Variants in AATK observed in about 807,000 individuals in gnomAD.
AATK encodes serine/threonine-protein kinase LMTK1.
AATK carries 91 observed loss-of-function variants against 114.3 expected under a neutral mutation model. The observed-to-expected ratio is 0.80, with a 90% CI of 0.67 to 0.95. The LOEUF (loss-of-function observed/expected upper bound fraction) is 0.95. Ranked by LOEUF, AATK falls within the 40% of genes least tolerant of loss-of-function variation. AATK has a pLI of 0.00. For missense variants in AATK, 2,176 were observed against 1,965.2 expected, an observed-to-expected ratio of 1.11 and a Z score of -2.03; for synonymous variants, 1,075 against 916.5, an observed-to-expected ratio of 1.17 and a Z score of -3.12.
Position 81,120,695 on chromosome 17 carries a change from G to A in AATK, c.3241C>T (p.Pro1081Ser), listed in dbSNP as rs573424497. ...TCPSGLVPEP[P>S]EPQGPAKVRP... ...ACCTTGGCTGGGCCTTGGGGCTCCG[G>A]AGGCTCTGGGACCAGGCCCGAGGGG... Residue 1081 changes from proline (P) to serine (S), a missense_variant, in exon 11 of 14, where the codon CCG (proline) becomes TCG (serine). Pro to Ser is a moderately conservative substitution (Grantham distance 74). Around this residue, in one of 4 missense-constraint regions of AATK, gnomAD observed 1,701 missense variants for 1,394.7 expected, o/e 1.22. Transcript: ENST00000326724. 213 of 1,519,438 alleles carry A rather than the reference G, an allele frequency of 1.4e-4. 2 individuals are homozygous for A. In the South Asian group the frequency reaches 2.6e-3, roughly 19 times the overall value. 94.1% of individuals were successfully genotyped at this position (1,519,438 alleles called of 1,614,324 possible).
At position 81,123,262 on chromosome 17, in the gene AATK, C is replaced by T. The variant is rs1050652293; in HGVS notation, c.1044G>A (p.Ala348=). The change falls in exon 10 of 14, where the codon GCG becomes GCA. Residue 348 remains alanine (A), a synonymous_variant. Coordinates refer to ENST00000326724, the MANE Select transcript of AATK (RefSeq NM_001080395.3). The part of the protein sequence containing the change: ...YPQHSDQQVL[A]YTVREQQLKL... ...TGAGCTGCTGCTCCCGGACCGTGTA[C>T]GCCAGCACCTGCTGGTCCGAGTGCT... is the stretch of plus-strand genomic sequence containing the variant. 1.2e-5 allele frequency: 17 copies of T among 1,407,364 alleles called. No homozygotes were observed. Among genetic ancestry groups the T allele is most frequent in the East Asian group, 3.0e-5 (1 of 33,262 alleles). 87.2% of individuals were successfully genotyped at this position (1,407,364 alleles called of 1,614,324 possible). A position where few individuals can be genotyped will look rare whatever the true frequency, so the allele number is the denominator to read the frequency against.
intron 1 of AATK, 70 bp from the exon 2 acceptor site, chr17:81,134,571 C>T: frequency 1.3e-6 from 2 of 1,545,860 alleles, no homozygotes; most frequent in Non-Finnish European, 1.7e-6. Context: ...CTGCTCTGGG[C>T]TCCACAGCCC....
rs1289653682 is a variant in AATK at position 81,123,182 on chromosome 17, T to C, written c.1112+12A>G. ...GGCCTGGCTGTCCGGGACAGGGCAG[T>C]GGGGCCCTCACCAGCGGTCCGACAG... On this transcript the variant is annotated intron_variant, in intron 10 of 13. Transcript: ENST00000326724. 3 of 1,423,632 alleles carry C rather than the reference T, an allele frequency of 2.1e-6. No individual in the cohort carries two copies. Among genetic ancestry groups the C allele is most frequent in the Non-Finnish European group, 2.7e-6 (3 of 1,092,784 alleles). The allele number at this position is 1,423,632 out of a possible 1,614,324, so 88.2% of individuals were successfully genotyped here.
chr17:81,125,995 G>A (rs770104285), intron 7 of AATK: 29 of 475,120 alleles, frequency 6.1e-5, no homozygotes, highest in Non-Finnish European at 8.7e-5. Context: ...CGTGTCCTTC[G>A]CCACTTCTTC....
chr17:81,127,116 A>C (rs2060846672), intron 6 of AATK, among the ~76,000 whole-genome samples: 1 of 49,752 alleles, frequency 2.0e-5, no homozygotes, highest in Non-Finnish European at 4.1e-5. Context: ...GTTGATGGGC[A>C]GGTCTCAGGG....
chr17:81,149,009 G>A (rs1394947307), intron 1 of AATK, among the ~76,000 whole-genome samples: 18 of 152,188 alleles, frequency 1.2e-4, no homozygotes, highest in Admixed American at 1.2e-3. Context: ...GGCCAGTGAT[G>A]GGGCAGCGAC....
At chr17:81,136,347 G>T (rs928623601) in intron 1 of AATK, 1 of 152,262 alleles carries the variant, frequency 6.6e-6, no homozygotes, top group African/African-American at 2.4e-5. Flanking sequence ...GCCACCTGCT[G>T]GGCAAAGAGC....
chr17:81,120,834 A>T lies in AATK; in HGVS notation c.3102T>A (p.Ser1034=). The change falls in exon 11 of 14, where the codon TCT becomes TCA. Residue 1034 remains serine, a synonymous_variant. Coordinates refer to ENST00000326724, the MANE Select transcript of AATK (RefSeq NM_001080395.3). ...ELGLPSTGQP[S]EQVCLRPGVS... The stretch of plus-strand genomic sequence containing the variant: ...CCCCAGGCCTGAGACAGACCTGCTC[A>T]GACGGCTGCCCAGTGCTCGGCAGGC... 6.3e-7 allele frequency: 1 copy of T among 1,578,748 alleles called. No individual in the cohort carries two copies. Among genetic ancestry groups the T allele is most frequent in the Non-Finnish European group, 8.6e-7 (1 of 1,162,714 alleles).
At chr17:81,156,130 GTATGT>G (rs2061360379) in intron 1 of AATK, among the ~76,000 whole-genome samples, 1 of 22,998 alleles carries the variant, frequency 4.3e-5, no homozygotes, top group Admixed American at 6.7e-4. Flanking sequence ...ATGTTACAAT[GTATGT>G]TACTATGTTA....
At chr17:81,159,521 G>A (rs549802774) in intron 1 of AATK, among the ~76,000 whole-genome samples, 2 of 152,126 alleles carry the variant, frequency 1.3e-5, no homozygotes, top group Non-Finnish European at 2.9e-5. Flanking sequence ...CAGGGGGTTC[G>A]AGGAAATTCC....
intron 1 of AATK, among the ~76,000 whole-genome samples, chr17:81,158,359 C>T (rs1432078009): frequency 6.6e-6 from 1 of 152,236 alleles, no homozygotes; most frequent in African/African-American, 2.4e-5. Flanking sequence ...GGCAGCTTCC[C>T]AGGGAGAGAA....
Position 81,118,034 on chromosome 17 carries a change from G to A in AATK, c.*368C>T, listed in dbSNP as rs1421824656. 13 of 225,378 alleles carry A rather than the reference G, an allele frequency of 5.8e-5. No individual in the cohort carries two copies. The East Asian group carries it at 1.3e-3, about 22-fold the overall frequency. The allele number at this position is 225,378 out of a possible 1,614,324, so 14.0% of individuals were successfully genotyped here. On this transcript the variant is annotated 3_prime_UTR_variant, in exon 14 of 14. Transcript: ENST00000326724. ...AGCACACCGGAGGAGCTGCCGGATGGGGCATGCGGGTCCTCCGAGGCCAGG... is the reference window on the plus strand; with the variant it reads ...AGCACACCGGAGGAGCTGCCGGATGAGGCATGCGGGTCCTCCGAGGCCAGG...
chr17:81,119,676 A>T, intron 12 of AATK, 96 bp from the exon 13 acceptor site: 5 of 550,304 alleles, frequency 9.1e-6, no homozygotes, highest in Non-Finnish European at 1.2e-5. Context: ...GCCTCCCATC[A>T]TGTCACGGGC....
At chr17:81,141,665 G>A (rs1175221610) in intron 1 of AATK, among the ~76,000 whole-genome samples, 1 of 152,184 alleles carries the variant, frequency 6.6e-6, no homozygotes, top group Non-Finnish European at 1.5e-5. Flanking sequence ...GGAAAGCTTG[G>A]TGGCTGGGCA....
At chr17:81,130,992 A>G in intron 3 of AATK, 69 bp downstream of exon 3, 1 of 1,511,896 alleles carries the variant, frequency 6.6e-7, no homozygotes, top group Non-Finnish European at 8.8e-7. Flanking sequence ...CGGTCTCCCC[A>G]GATCACACCC....
chr17:81,117,976 G>A lies in AATK; in HGVS notation c.*426C>T, dbSNP rs1043483632. The A allele has an allele frequency of 1.2e-5, 2 of 162,712 alleles. No homozygotes were observed. The highest frequency in any genetic ancestry group is 2.7e-5 in the Non-Finnish European group (2 of 75,088). 10.1% of individuals were successfully genotyped at this position (162,712 alleles called of 1,614,324 possible). On this transcript the variant is annotated 3_prime_UTR_variant, in exon 14 of 14. Transcript: ENST00000326724. ...GCTCACAAACCTGCCAGTGTCTCGG[G>A]GCCATGCCTCGTCCTGGTTTAAGTG...
rs532958429 is a variant in AATK, at chr17:81,157,278, G to A, written c.55+8660C>T. 2.0e-5 allele frequency among the ~76,000 whole-genome samples: 3 copies of A among 152,306 alleles called. No homozygotes were observed. The South Asian group carries it at 6.2e-4, about 32-fold the overall frequency. On this transcript the variant is annotated intron_variant, in intron 1 of 13. Coordinates refer to ENST00000326724, the MANE Select transcript of AATK (RefSeq NM_001080395.3). ...CGGGACAAGCCCAGGACATGGCAAG[G>A]TCCACGGGCCCGGGCCGGGTCCATC... is the stretch of plus-strand genomic sequence containing the variant.
In AATK at chr17:81,126,614, G is replaced by A; in HGVS notation, c.622-54C>T. ...CAGCAGGCTGGGGGCTGGCCACCCT[G>A]GGAGGTCCCCACCTACCTCCCCAAC... On this transcript the variant is annotated intron_variant, in intron 6 of 13. Coordinates refer to ENST00000326724, the MANE Select transcript of AATK (RefSeq NM_001080395.3). This position sits in a 1 kb window ranked among gnomAD's most constrained non-coding sequence, Gnocchi z 5.1. 1 of 1,511,256 alleles carries A rather than the reference G, an allele frequency of 6.6e-7. No individual in the cohort carries two copies. Among genetic ancestry groups the A allele is most frequent in the Admixed American group, 2.1e-5 (1 of 48,360 alleles). 93.6% of individuals were successfully genotyped at this position (1,511,256 alleles called of 1,614,324 possible). A position where few individuals can be genotyped will look rare whatever the true frequency, so the allele number is the denominator to read the frequency against.
In AATK at chr17:81,140,652, G is replaced by T. The variant is rs528873085; in HGVS notation, c.56-6151C>A. On this transcript the variant is annotated intron_variant, in intron 1 of 13. Coordinates refer to ENST00000326724, the MANE Select transcript of AATK (RefSeq NM_001080395.3). ...CTGCAGAATCAGAGACCGTGGGGCCGGGGGACCGTGGGGCCGTGGGGACCA... is the reference window on the plus strand; with the variant it reads ...CTGCAGAATCAGAGACCGTGGGGCCTGGGGACCGTGGGGCCGTGGGGACCA... Among the ~76,000 whole-genome samples the T allele has an allele frequency of 9.9e-4, 146 of 147,084 alleles. 3 individuals carry two copies. The highest frequency in any genetic ancestry group is 3.7e-3 in the African/African-American group (145 of 38,808).
Sources: allele counts gnomAD v4.1 joint callset (sites outside exome capture counted in the v4.1 genomes callset), GRCh38; gene constraint gnomAD v4.1.1; regional missense constraint gnomAD v4.1.1; non-coding constraint Gnocchi (gnomAD v3.1); transcripts MANE v1.5; gene names NCBI Gene and HGNC (gene_info 2026-07-23, HGNC 2026-07-21).